Variants in PDSS2 observed in about 807,000 individuals in gnomAD.
PDSS2 encodes the protein decaprenyl diphosphate synthase subunit 2, also known as all trans-polyprenyl-diphosphate synthase PDSS2.
Under a neutral mutation model 44.5 loss-of-function variants are expected in PDSS2, and 31 were observed. The observed-to-expected ratio is 0.70, with a 90% CI of 0.52 to 0.94. The LOEUF is 0.94. Ranked by LOEUF, PDSS2 falls within the 40% of genes least tolerant of loss-of-function variation. The pLI is 0.00. For synonymous variants in PDSS2, 157 were observed against 180.3 expected, an observed-to-expected ratio of 0.87 and a Z score of 1.03; for missense variants, 452 against 482.2, an observed-to-expected ratio of 0.94 and a Z score of 0.59.
chr6:107,373,231 C>T (rs951721700), intron 1 of PDSS2, among the ~76,000 whole-genome samples: 17 of 152,160 alleles, frequency 1.1e-4, no homozygotes, highest in South Asian at 6.2e-4. Flanking sequence ...ATGATCCGCC[C>T]GCCTTGGACT....
chr6:107,309,148 C>T (rs894570618), intron 2 of PDSS2, among the ~76,000 whole-genome samples: 2 of 152,160 alleles, frequency 1.3e-5, no homozygotes, highest in African/African-American at 4.8e-5. Context: ...TATGAGTTAA[C>T]AGTTGGTCTT....
intron 7 of PDSS2, among the ~76,000 whole-genome samples, chr6:107,185,355 G>A (rs1344774415): frequency 6.6e-6 from 1 of 152,154 alleles, no homozygotes; most frequent in African/African-American, 2.4e-5. Flanking sequence ...TTGACCAACT[G>A]ATGGTTATTC....
In PDSS2 at chr6:107,169,118, C is replaced by G. The variant is rs148731154; in HGVS notation, c.1042-14341G>C. 8.1e-3 allele frequency among the ~76,000 whole-genome samples: 1,239 copies of G among 152,148 alleles called. 14 individuals carry two copies. The highest frequency in any genetic ancestry group is 0.02 in the African/African-American group (818 of 41,506). On this transcript the variant is annotated intron_variant, in intron 7 of 7. Coordinates refer to ENST00000369037, the MANE Select transcript of PDSS2 (RefSeq NM_020381.4). ...CCCTGTCACTTTCAGGTACACCAAT[C>G]AGACGTAGATTTGGTCTTTTCACAT...
In PDSS2 at chr6:107,450,898, A is replaced by G. The variant is rs532036108; in HGVS notation, c.296+8092T>C. On this transcript the variant is annotated intron_variant, in intron 1 of 7. Transcript: ENST00000369037. The stretch of plus-strand genomic sequence containing the variant: ...CACGCTGAAGTGCAATGGCACGATC[A>G]TGGCTCACTGCAGCCTCCAACTTCC... Among the ~76,000 whole-genome samples the G allele has an allele frequency of 3.6e-4, 55 of 152,348 alleles. 1 individual carries two copies. The South Asian group carries it at 0.011, about 32-fold the overall frequency.
intron 6 of PDSS2, among the ~76,000 whole-genome samples, chr6:107,207,285 C>A (rs1347891594): frequency 6.6e-6 from 1 of 151,996 alleles, no homozygotes; most frequent in Non-Finnish European, 1.5e-5. Context: ...AGCCACCACA[C>A]CCGGCCTGAG....
At chr6:107,440,154 A>G (rs191494136) in intron 1 of PDSS2, among the ~76,000 whole-genome samples, 1 of 152,280 alleles carries the variant, frequency 6.6e-6, no homozygotes, top group African/African-American at 2.4e-5. Context: ...CTCATAAGGG[A>G]TGGACTCCAG....
chr6:107,210,740 A>G (rs1582790960), intron 5 of PDSS2, among the ~76,000 whole-genome samples, 170 bp from the exon 6 acceptor site: 1 of 152,196 alleles, frequency 6.6e-6, no homozygotes, highest in East Asian at 1.9e-4. Context: ...GCAGTGGCTT[A>G]CGCCTGTAAT....
At chr6:107,326,999 T>G (rs1386465452) in intron 2 of PDSS2, among the ~76,000 whole-genome samples, 1 of 152,196 alleles carries the variant, frequency 6.6e-6, no homozygotes, top group East Asian at 1.9e-4. Flanking sequence ...TCATTTAATG[T>G]TTTTTCATTC....
intron 1 of PDSS2, among the ~76,000 whole-genome samples, chr6:107,402,531 T>TGAGG (rs1780173345): frequency 2.0e-5 from 1 of 49,710 alleles, no homozygotes; most frequent in Non-Finnish European, 5.7e-5. Flanking sequence ...TATACATACA[T>TGAGG]TTTATATATA....
chr6:107,321,652 G>A (rs1199546871), intron 2 of PDSS2, among the ~76,000 whole-genome samples: 1 of 152,106 alleles, frequency 6.6e-6, no homozygotes, highest in South Asian at 2.1e-4. Context: ...TTTGAAACCA[G>A]CTCTACTTCT....
chr6:107,211,545 C>A (rs1255411841), intron 5 of PDSS2, among the ~76,000 whole-genome samples: 1 of 151,620 alleles, frequency 6.6e-6, no homozygotes, highest in African/African-American at 2.4e-5. Context: ...TCCTGACCAA[C>A]ATGGTGAAAC....
At chr6:107,237,543 C>G (rs1034593755) in intron 4 of PDSS2, among the ~76,000 whole-genome samples, 2 of 152,056 alleles carry the variant, frequency 1.3e-5, no homozygotes, top group Non-Finnish European at 2.9e-5. Context: ...GTACCTGGCC[C>G]TGGCCTCTTA....
chr6:107,449,491 C>T (rs1781796486), intron 1 of PDSS2, among the ~76,000 whole-genome samples: 1 of 152,144 alleles, frequency 6.6e-6, no homozygotes, highest in South Asian at 2.1e-4. Flanking sequence ...TTCTACACAC[C>T]ATTTCTCTAA....
intron 7 of PDSS2, among the ~76,000 whole-genome samples, chr6:107,171,992 A>G (rs1229107331): frequency 2.0e-5 from 3 of 152,206 alleles, no homozygotes; most frequent in African/African-American, 4.8e-5. Flanking sequence ...TCAGTGTTTA[A>G]TTTCTCTGAT....
chr6:107,254,281 C>T (rs1489569052), intron 3 of PDSS2, among the ~76,000 whole-genome samples: 1 of 151,938 alleles, frequency 6.6e-6, no homozygotes, highest in Non-Finnish European at 1.5e-5. Flanking sequence ...ATCTGCCCAC[C>T]TTGGCTTCCC....
chr6:107,347,068 A>T (rs1418599919), intron 1 of PDSS2, among the ~76,000 whole-genome samples: 1 of 152,048 alleles, frequency 6.6e-6, no homozygotes, highest in Non-Finnish European at 1.5e-5. Context: ...TCCAGGTTAA[A>T]ACAAAAACAA....
chr6:107,154,433 C>CTT lies in PDSS2; in HGVS notation c.*184_*185dup. 1.7e-6 allele frequency: 1 copy of CTT among 601,856 alleles called. No individual in the cohort carries two copies. The highest frequency in any genetic ancestry group is 2.9e-6 in the Non-Finnish European group (1 of 342,396). The allele number at this position is 601,856 out of a possible 1,614,324, so 37.3% of individuals were successfully genotyped here. A position where few individuals can be genotyped will look rare whatever the true frequency, so the allele number is the denominator to read the frequency against. On this transcript the variant is annotated 3_prime_UTR_variant, in exon 8 of 8. Transcript: ENST00000369037. Reference sequence around the variant, plus strand: ...GCGTGACAAGTGAAAACTGCTTGACCTTTTTTTCTTCTAATTTTGTTTGTA... The same window carrying CTT: ...GCGTGACAAGTGAAAACTGCTTGACCTTTTTTTTTCTTCTAATTTTGTTTGTA...
intron 2 of PDSS2, among the ~76,000 whole-genome samples, chr6:107,325,325 G>A (rs1777504199): frequency 2.0e-5 from 3 of 152,160 alleles, no homozygotes; most frequent in South Asian, 4.1e-4. Context: ...GACTTACAAT[G>A]GGGTTATGTC....
intron 1 of PDSS2, among the ~76,000 whole-genome samples, chr6:107,390,097 T>G (rs936472876): frequency 1.3e-5 from 2 of 152,104 alleles, no homozygotes; most frequent in Admixed American, 1.3e-4. Flanking sequence ...AAAAGAGAGA[T>G]ATTCCTTACA....
Sources: allele counts gnomAD v4.1 joint callset (sites outside exome capture counted in the v4.1 genomes callset), GRCh38; gene constraint gnomAD v4.1.1; transcripts MANE v1.5; gene names NCBI Gene and HGNC (gene_info 2026-07-23, HGNC 2026-07-21).